The following MADD variants were observed in gnomAD, a reference collection of about 807,000 sequenced individuals.
MADD encodes the protein MAP kinase-activating death domain protein.
A neutral mutation model predicts 176.7 loss-of-function variants in MADD; 109 were observed. The observed-to-expected ratio is 0.62, with a 90% CI of 0.53 to 0.72. The LOEUF (loss-of-function observed/expected upper bound fraction) is 0.72, where lower values mean the gene tolerates loss of function less well. MADD is among the 30% of genes least tolerant of loss of function. MADD has a pLI of 0.00. For missense variants in MADD, 1,914 were observed against 2,045.5 expected, an observed-to-expected ratio of 0.94 and a Z score of 1.24; for synonymous variants, 771 against 771.3, an observed-to-expected ratio of 1.00 and a Z score of 0.01.
chr11:47,327,122 A>G, intron 31 of MADD: 3 of 1,088,916 alleles, frequency 2.8e-6, no homozygotes, highest in Non-Finnish European at 2.2e-6. Context: ...TTTGGGACAC[A>G]GCAGACTGGC....
At chr11:47,322,318 G>A (rs538250332) in intron 27 of MADD, among the ~76,000 whole-genome samples, 4 of 152,156 alleles carry the variant, frequency 2.6e-5, no homozygotes, top group Admixed American at 6.6e-5. Context: ...CCTTAAGAAC[G>A]GATAACTGGC....
intron 27 of MADD, among the ~76,000 whole-genome samples, chr11:47,323,043 G>C (rs1282190929): frequency 6.6e-6 from 1 of 152,144 alleles, no homozygotes; most frequent in African/African-American, 2.4e-5. Context: ...TTCGAGACCA[G>C]CCTGGCCAAC....
At chr11:47,295,952 C>G (rs1398025863) in exon 22 of MADD, 4 of 1,613,946 alleles carry the variant, frequency 2.5e-6, no homozygotes, top group Non-Finnish European at 3.4e-6. Flanking sequence ...AGCAGCAATG[C>G]AGGTGATGGA....
chr11:47,318,764 T>C (rs2093739944), intron 27 of MADD, among the ~76,000 whole-genome samples: 1 of 151,222 alleles, frequency 6.6e-6, no homozygotes, highest in Admixed American at 6.6e-5. Context: ...GCTTTTTGCA[T>C]GATCAACTGG....
chr11:47,315,099 C>CCAGCAGATGAGACT (rs1429205479), intron 26 of MADD, 121 bp from the exon 30 acceptor site: 21 of 536,324 alleles, frequency 3.9e-5, no homozygotes, highest in Non-Finnish European at 6.8e-5. Context: ...TGACCAGTGG[C>CCAGCAGATGAGACT]CAGCAGATGA....
intron 27 of MADD, among the ~76,000 whole-genome samples, chr11:47,321,160 T>C (rs2094414414): frequency 6.6e-6 from 1 of 152,222 alleles, no homozygotes; most frequent in African/African-American, 2.4e-5. Flanking sequence ...TTCTCTAGAC[T>C]AGAATGCTCT....
chr11:47,318,789 A>ATTTTTTT (rs57548484), intron 27 of MADD, among the ~76,000 whole-genome samples: 3 of 82,458 alleles, frequency 3.6e-5, no homozygotes, highest in African/African-American at 5.1e-5. Flanking sequence ...CAGTTTGGGA[A>ATTTTTTT]TTTTTTTTTT....
rs564660641 is a variant in MADD at position 47,302,744 on chromosome 11, A to G, written c.3643-5847A>G. Among the ~76,000 whole-genome samples the G allele has an allele frequency of 5.3e-5, 8 of 151,122 alleles. No homozygotes were observed. In the South Asian group the frequency reaches 6.3e-4, roughly 12 times the overall value. On this transcript the variant is annotated intron_variant, in intron 22 of 32. Coordinates refer to ENST00000402192, the Ensembl canonical transcript of MADD. ...CCTTTTAAGTGAGGGAATTTAATCTATTTACATTCAAGGTTGTTATTGATA... is the reference window on the plus strand; with the variant it reads ...CCTTTTAAGTGAGGGAATTTAATCTGTTTACATTCAAGGTTGTTATTGATA...
exon 4 of MADD, chr11:47,275,914 G>A (rs1288738955): frequency 6.2e-7 from 1 of 1,608,994 alleles, no homozygotes; most frequent in Admixed American, 1.7e-5. Flanking sequence ...CCATGTGGCG[G>A]ATCTTTACTG....
At chr11:47,289,110 G>C (rs2063117070) in intron 15 of MADD, 83 bp downstream of exon 16, 1 of 1,352,034 alleles carries the variant, frequency 7.4e-7, no homozygotes, top group Non-Finnish European at 1.0e-6. Flanking sequence ...TCCTTCTCAT[G>C]GAGCAAGCAG....
intron 22 of MADD, among the ~76,000 whole-genome samples, chr11:47,297,463 T>TC (rs1164079768): frequency 4.9e-4 from 75 of 151,654 alleles, no homozygotes; most frequent in Non-Finnish European, 9.1e-4. Flanking sequence ...TTTTTTTTTT[T>TC]TGAGATGGAG....
chr11:47,286,369 A>G, intron 14 of MADD, 64 bp from the exon 15 acceptor site: 3 of 1,026,768 alleles, frequency 2.9e-6, no homozygotes, highest in Non-Finnish European at 4.6e-6. Context: ...GCTGATAGTC[A>G]TTAGTCTACT....
chr11:47,285,074 G>A lies in MADD; in HGVS notation c.2291G>A (p.Arg764His), dbSNP rs142755205. The change falls in exon 13 of 33, where the codon CGC becomes CAC. Residue 764 changes from arginine (R) to histidine (H), a missense_variant. Transcript: ENST00000402192. Reference sequence around the variant, plus strand: ...GCAGAAATTGGAGAGGGGTCAGTGCGCCGGCGAATCTATGACAATCCATAC... The same window carrying A: ...GCAGAAATTGGAGAGGGGTCAGTGCACCGGCGAATCTATGACAATCCATAC... 3.3e-5 allele frequency: 53 copies of A among 1,613,996 alleles called. No individual in the cohort carries two copies. Among genetic ancestry groups the A allele is most frequent in the Non-Finnish European group, 2.9e-5 (34 of 1,180,038 alleles).
intron 22 of MADD, among the ~76,000 whole-genome samples, chr11:47,298,222 T>C (rs2074691623): frequency 6.6e-6 from 1 of 152,256 alleles, no homozygotes; most frequent in Non-Finnish European, 1.5e-5. Context: ...ATGACATTTG[T>C]GGTGGAAGGA....
At chr11:47,287,302 A>G (rs1279390773) in intron 15 of MADD, among the ~76,000 whole-genome samples, 1 of 152,216 alleles carries the variant, frequency 6.6e-6, no homozygotes, top group Non-Finnish European at 1.5e-5. Context: ...AGCCTGGGTG[A>G]CAGAGCAAGA....
At chr11:47,309,367 G>A in exon 24 of MADD, 4 of 1,614,194 alleles carry the variant, frequency 2.5e-6, no homozygotes, top group Non-Finnish European at 3.4e-6. Context: ...AGAAGGGATG[G>A]GTATGGACCA....
exon 4 of MADD, chr11:47,276,011 C>G: frequency 6.2e-7 from 1 of 1,614,210 alleles, no homozygotes; most frequent in Non-Finnish European, 8.5e-7. Flanking sequence ...GCTGCGCTCC[C>G]CAGTACCCGT....
At chr11:47,328,726 G>A in intron 32 of MADD, 22 bp downstream of exon 36, 1 of 1,614,128 alleles carries the variant, frequency 6.2e-7, no homozygotes, top group East Asian at 2.2e-5. Flanking sequence ...GCTCAACCCT[G>A]ATGGGCCACG....
At chr11:47,288,596 C>T (rs1438126196) in intron 15 of MADD, among the ~76,000 whole-genome samples, 1 of 152,240 alleles carries the variant, frequency 6.6e-6, no homozygotes, top group Non-Finnish European at 1.5e-5. Flanking sequence ...CCTGACCCCA[C>T]TCCCCACAAC....
Sources: allele counts gnomAD v4.1 joint callset (sites outside exome capture counted in the v4.1 genomes callset), GRCh38; gene constraint gnomAD v4.1.1; transcripts MANE v1.5; gene names NCBI Gene and HGNC (gene_info 2026-07-23, HGNC 2026-07-21).